The following MTOR variants were observed in gnomAD, a reference collection of about 807,000 sequenced individuals.
MTOR encodes mechanistic target of rapamycin kinase, also known as serine/threonine-protein kinase mTOR.
A neutral mutation model predicts 319.8 loss-of-function variants in MTOR; 70 were observed. That is an observed-to-expected ratio of 0.22 (90% confidence interval 0.18 to 0.27). The LOEUF (loss-of-function observed/expected upper bound fraction) is 0.27. MTOR is among the 10% of genes least tolerant of loss of function. MTOR has a pLI of 1.00. For synonymous variants in MTOR, 1,183 were observed against 1,211.4 expected, an observed-to-expected ratio of 0.98 and a Z score of 0.49; for missense variants, 1,890 against 3,274.4, an observed-to-expected ratio of 0.58 and a Z score of 10.32.
intron 46 of MTOR, among the ~76,000 whole-genome samples, chr1:11,125,137 C>T (rs1041646967): frequency 3.9e-5 from 6 of 152,156 alleles, no homozygotes; most frequent in African/African-American, 7.2e-5. Context: ...GGCATGGTGA[C>T]GGTTCTAGCT....
intron 28 of MTOR, chr1:11,193,577 C>T: frequency 6.3e-7 from 1 of 1,579,902 alleles, no homozygotes; most frequent in Non-Finnish European, 8.6e-7. Flanking sequence ...CCCTCTGCTT[C>T]AGGTGTTCTG....
At chr1:11,166,415 C>G (rs919140376) in intron 29 of MTOR, among the ~76,000 whole-genome samples, 1 of 152,160 alleles carries the variant, frequency 6.6e-6, no homozygotes, top group Non-Finnish European at 1.5e-5. Context: ...AATCAAACAA[C>G]CCCATCAAAA....
intron 16 of MTOR, 93 bp from the exon 17 acceptor site, chr1:11,231,527 A>T (rs1357274133): frequency 6.9e-7 from 1 of 1,453,248 alleles, no homozygotes; most frequent in Non-Finnish European, 9.2e-7. Context: ...ATGAAGTGTT[A>T]GAGGCTGTAA....
intron 13 of MTOR, among the ~76,000 whole-genome samples, chr1:11,236,641 T>C (rs1569731595): frequency 6.6e-6 from 1 of 151,764 alleles, no homozygotes; most frequent in Admixed American, 6.6e-5. Flanking sequence ...CCAGAGTAGC[T>C]GGTATTACAG....
chr1:11,144,898 A>C (rs2100508145), intron 33 of MTOR, 70 bp downstream of exon 33: 2 of 1,566,778 alleles, frequency 1.3e-6, no homozygotes, highest in Non-Finnish European at 1.8e-6. Context: ...TAAGTTCTCA[A>C]TAGCCCATTC....
At chr1:11,164,151 T>C (rs1415726345) in intron 29 of MTOR, among the ~76,000 whole-genome samples, 1 of 151,948 alleles carries the variant, frequency 6.6e-6, no homozygotes, top group Non-Finnish European at 1.5e-5. Flanking sequence ...AAGACCATCC[T>C]GGCTAACACG....
intron 3 of MTOR, among the ~76,000 whole-genome samples, chr1:11,257,422 G>A (rs959752027): frequency 2.7e-5 from 4 of 150,800 alleles, no homozygotes; most frequent in African/African-American, 9.7e-5. Flanking sequence ...AATTAGCCAG[G>A]CGTGGTGGCA....
chr1:11,114,977 T>C, intron 51 of MTOR, 90 bp from the exon 52 acceptor site: 4 of 1,057,734 alleles, frequency 3.8e-6, no homozygotes, highest in Non-Finnish European at 5.9e-6. Flanking sequence ...CTGCATCACC[T>C]GCACTGATTT....
chr1:11,258,456 G>A, intron 3 of MTOR, 29 bp downstream of exon 3: 1 of 1,505,894 alleles, frequency 6.6e-7, no homozygotes, highest in East Asian at 2.3e-5. Flanking sequence ...TGAGTGTGTT[G>A]TTTTTGTGAC....
At chr1:11,189,894 G>C in intron 28 of MTOR, 1 of 1,614,052 alleles carries the variant, frequency 6.2e-7, no homozygotes, top group Non-Finnish European at 8.5e-7. Flanking sequence ...ACTCCGAGAT[G>C]AACAACCAAA....
At chr1:11,141,654 C>A (rs926787766) in intron 34 of MTOR, among the ~76,000 whole-genome samples, 5 of 150,696 alleles carry the variant, frequency 3.3e-5, no homozygotes, top group African/African-American at 1.2e-4. Flanking sequence ...CAGGCATGAG[C>A]CACTGTGCCT....
intron 19 of MTOR, among the ~76,000 whole-genome samples, chr1:11,224,656 A>G (rs1266025743): frequency 2.0e-5 from 3 of 152,246 alleles, no homozygotes; most frequent in Non-Finnish European, 2.9e-5. Flanking sequence ...ATGAAAATCA[A>G]TCAACCACTA....
At chr1:11,148,811 T>A (rs1347617092) in intron 31 of MTOR, among the ~76,000 whole-genome samples, 2 of 151,994 alleles carry the variant, frequency 1.3e-5, no homozygotes, top group African/African-American at 4.8e-5. Flanking sequence ...AGGCAGAGAA[T>A]TGCTTGAACC....
chr1:11,165,534 C>T (rs946671392), intron 29 of MTOR, among the ~76,000 whole-genome samples: 45 of 152,038 alleles, frequency 3.0e-4, no homozygotes, highest in African/African-American at 1.1e-3. Flanking sequence ...ATCCAACTTA[C>T]AAGGGATGTG....
rs967690710 is a variant in MTOR at position 11,182,174 on chromosome 1, G to A, written c.4254-14657C>T. The stretch of plus-strand genomic sequence containing the variant: ...GGAGGTTGCAGTGAGCTGAGATTGC[G>A]CCACTGCGCTCCAGCCTGGGCAATA... On this transcript the variant is annotated intron_variant, in intron 28 of 57. Transcript: ENST00000361445. 1.1e-4 allele frequency among the ~76,000 whole-genome samples: 16 copies of A among 151,372 alleles called. 1 individual carries two copies. In the East Asian group the frequency reaches 1.6e-3, roughly 15 times the overall value.
intron 3 of MTOR, among the ~76,000 whole-genome samples, chr1:11,257,380 CAAAAAAAAAA>C (rs1006118528): frequency 8.2e-4 from 30 of 36,792 alleles, no homozygotes; most frequent in African/African-American, 2.5e-3. Flanking sequence ...TACTAAGATA[CAAAAAAAAAA>C]AAAAAAAAAA....
intron 39 of MTOR, 146 bp downstream of exon 39, chr1:11,130,383 T>C (rs1468434207): frequency 2.3e-6 from 3 of 1,284,546 alleles, no homozygotes; most frequent in African/African-American, 3.0e-5. Flanking sequence ...TCTCAGGCAG[T>C]GCTGGATGGT....
At chr1:11,251,179 G>A (rs1649623359) in intron 6 of MTOR, among the ~76,000 whole-genome samples, 1 of 152,068 alleles carries the variant, frequency 6.6e-6, no homozygotes, top group Non-Finnish European at 1.5e-5. Flanking sequence ...TCCCTTAGGT[G>A]TTCCTCTGAC....
chr1:11,205,920 C>A (rs1646122643), intron 25 of MTOR, among the ~76,000 whole-genome samples: 1 of 152,170 alleles, frequency 6.6e-6, no homozygotes, highest in Admixed American at 6.5e-5. Flanking sequence ...AGGTGCTATA[C>A]CATCAAGGAC....
Sources: gnomAD v4.1 joint callset for allele counts (sites outside exome capture counted in the v4.1 genomes callset) on GRCh38, gnomAD v4.1.1 for gene constraint, MANE v1.5 for transcripts, NCBI Gene and HGNC (gene_info 2026-07-23, HGNC 2026-07-21) for gene names.